The following DEPTOR variants were observed in gnomAD, a reference collection of about 807,000 sequenced individuals.
DEPTOR encodes DEP domain containing MTOR interacting protein.
Under a neutral mutation model 41.6 loss-of-function variants are expected in DEPTOR, and 41 were observed. That is an observed-to-expected ratio of 0.98 (90% CI 0.77 to 1.28). The LOEUF is 1.28. DEPTOR is among the 50% of genes most tolerant of loss of function. The pLI, the probability that DEPTOR is intolerant of heterozygous loss-of-function variation, is 0.00. For missense variants in DEPTOR, 514 were observed against 527.9 expected (o/e 0.97, Z 0.26); for synonymous variants, 195 against 192.3 (o/e 1.01, Z -0.12).
intron 8 of DEPTOR, among the ~76,000 whole-genome samples, chr8:120,022,901 A>G (rs77652125): frequency 2.8e-3 from 423 of 152,302 alleles, no homozygotes; most frequent in African/African-American, 9.5e-3. Flanking sequence ...AGAGATTCAA[A>G]GCTGATCCAA....
intron 3 of DEPTOR, among the ~76,000 whole-genome samples, chr8:119,949,221 T>G (rs924546726): frequency 1.3e-5 from 2 of 152,268 alleles, no homozygotes; most frequent in Non-Finnish European, 2.9e-5. Context: ...TCACTTCTGT[T>G]TATAGCCAAC....
intron 1 of DEPTOR, among the ~76,000 whole-genome samples, chr8:119,889,600 AGGTGGG>A (rs1827421331): frequency 1.6e-5 from 1 of 63,926 alleles, no homozygotes; most frequent in African/African-American, 5.2e-5. Flanking sequence ...AGGGGTGGGG[AGGTGGG>A]GAGGGGACGG....
intron 4 of DEPTOR, among the ~76,000 whole-genome samples, chr8:119,970,134 C>T (rs1384530437): frequency 6.6e-6 from 1 of 152,022 alleles, no homozygotes; most frequent in African/African-American, 2.4e-5. Flanking sequence ...TGTATATGTA[C>T]ATATTTATAC....
At chr8:119,956,229 G>A (rs998108932) in intron 3 of DEPTOR, among the ~76,000 whole-genome samples, 9 of 152,134 alleles carry the variant, frequency 5.9e-5, no homozygotes, top group South Asian at 2.1e-4. Context: ...TTAACATTGC[G>A]ACTACATATT....
chr8:119,913,282 C>T (rs1338237627), intron 1 of DEPTOR, among the ~76,000 whole-genome samples: 1 of 152,182 alleles, frequency 6.6e-6, no homozygotes, highest in Non-Finnish European at 1.5e-5. Flanking sequence ...GCACCAGGCA[C>T]TTCCAAGTTG....
intron 3 of DEPTOR, among the ~76,000 whole-genome samples, chr8:119,945,637 T>C (rs1163501079): frequency 6.6e-6 from 1 of 152,174 alleles, no homozygotes; most frequent in Admixed American, 6.5e-5. Flanking sequence ...AGTGAACCTA[T>C]AGAAATTGAA....
chr8:119,963,835 T>C (rs758958178), intron 3 of DEPTOR, among the ~76,000 whole-genome samples: 1 of 152,158 alleles, frequency 6.6e-6, no homozygotes, highest in African/African-American at 2.4e-5. Flanking sequence ...TATGTGGGTA[T>C]GGGAGGATTT....
intron 4 of DEPTOR, among the ~76,000 whole-genome samples, chr8:119,994,233 T>C (rs115037852): frequency 0.015 from 2,273 of 152,244 alleles, 55 homozygotes; most frequent in African/African-American, 0.052. Context: ...GGGCAATCGC[T>C]TGAACCCTGG....
At chr8:119,930,410 T>C (rs1828026729) in intron 3 of DEPTOR, among the ~76,000 whole-genome samples, 1 of 152,130 alleles carries the variant, frequency 6.6e-6, no homozygotes, top group Non-Finnish European at 1.5e-5. Context: ...CTAATTTATG[T>C]ATTTGTAGTA....
At chr8:119,905,356 T>C (rs1586608111) in intron 1 of DEPTOR, among the ~76,000 whole-genome samples, 1 of 151,542 alleles carries the variant, frequency 6.6e-6, no homozygotes, top group Non-Finnish European at 1.5e-5. Flanking sequence ...CCTGGGAGAG[T>C]GAGATAGCCA....
intron 1 of DEPTOR, among the ~76,000 whole-genome samples, chr8:119,911,800 C>T (rs1827748702): frequency 6.6e-6 from 1 of 152,128 alleles, no homozygotes; most frequent in African/African-American, 2.4e-5. Context: ...CAGCTATGAA[C>T]ACAGCTATCA....
rs1301318545 is a variant in DEPTOR, at chr8:120,024,796, TTC to T, written c.1101+15665_1101+15666del. On this transcript the variant is annotated intron_variant, in intron 8 of 8. Transcript: ENST00000286234. Reference sequence around the variant, plus strand: ...TCCAGAATGTGAGACAAAAAAAAATTTCTGTTTTTAAAACCATCCAGTTTTTG... The same window carrying T: ...TCCAGAATGTGAGACAAAAAAAAATTTGTTTTTAAAACCATCCAGTTTTTG... Among the ~76,000 whole-genome samples, 5 of 152,112 alleles carry T rather than the reference TTC, an allele frequency of 3.3e-5. No individual in the cohort carries two copies. The East Asian group carries it at 7.7e-4, about 23-fold the overall frequency.
At chr8:119,988,200 A>G (rs1409045600) in intron 4 of DEPTOR, among the ~76,000 whole-genome samples, 1 of 152,162 alleles carries the variant, frequency 6.6e-6, no homozygotes, top group African/African-American at 2.4e-5. Context: ...AAAGCATTGT[A>G]TCTGGGCTGG....
At chr8:119,906,754 A>G (rs1827669300) in intron 1 of DEPTOR, among the ~76,000 whole-genome samples, 3 of 152,184 alleles carry the variant, frequency 2.0e-5, no homozygotes, top group Admixed American at 2.0e-4. Context: ...GAAGGCCTTC[A>G]TAGGATTTCC....
chr8:119,945,401 C>T (rs1190441590), intron 3 of DEPTOR, among the ~76,000 whole-genome samples: 3 of 152,104 alleles, frequency 2.0e-5, no homozygotes, highest in Non-Finnish European at 4.4e-5. Context: ...AGGCACCTTC[C>T]TAAGTATTTT....
chr8:119,976,355 C>T (rs995145130), intron 4 of DEPTOR, among the ~76,000 whole-genome samples: 1 of 151,836 alleles, frequency 6.6e-6, no homozygotes, highest in African/African-American at 2.4e-5. Flanking sequence ...ATTGGTTTGG[C>T]GCATATATAT....
At chr8:119,913,300 G>A (rs927510717) in intron 1 of DEPTOR, among the ~76,000 whole-genome samples, 2 of 152,188 alleles carry the variant, frequency 1.3e-5, no homozygotes, top group South Asian at 4.1e-4. Flanking sequence ...TTGCACTGGG[G>A]AGTGGTCTGG....
chr8:119,990,358 C>T (rs924643537), intron 4 of DEPTOR, among the ~76,000 whole-genome samples: 2 of 152,134 alleles, frequency 1.3e-5, no homozygotes, highest in South Asian at 4.1e-4. Context: ...GGGGTTTCAT[C>T]GTGTTAGTCG....
intron 8 of DEPTOR, among the ~76,000 whole-genome samples, chr8:120,019,613 T>C (rs1419910238): frequency 6.6e-6 from 1 of 152,212 alleles, no homozygotes. Context: ...ACTAGGGATA[T>C]GTGTGGTGTC....
Sources: gnomAD v4.1 joint callset for allele counts (sites outside exome capture counted in the v4.1 genomes callset) on GRCh38, gnomAD v4.1.1 for gene constraint, MANE v1.5 for transcripts, NCBI Gene and HGNC (gene_info 2026-07-23, HGNC 2026-07-21) for gene names.